The following TAF12 variants were observed in gnomAD, a reference collection of about 807,000 sequenced individuals.
TAF12 encodes the protein transcription initiation factor TFIID subunit 12.
Under a neutral mutation model 20.8 loss-of-function variants are expected in TAF12, and 3 were observed. The observed-to-expected ratio is 0.14, with a 90% CI of 0.07 to 0.37. The LOEUF (loss-of-function observed/expected upper bound fraction) is 0.37. Among genes scored for constraint, TAF12 ranks in the 10% least tolerant of loss-of-function variants. The probability of loss-of-function intolerance (pLI) is 1.00; values close to 1 mark genes in which losing one functional copy is unlikely to be tolerated. For synonymous variants in TAF12, 69 were observed against 70.2 expected, an observed-to-expected ratio of 0.98 and a Z score of 0.09; for missense variants, 131 against 197.9, an observed-to-expected ratio of 0.66 and a Z score of 2.03.
At chr1:28,642,630 C>T in intron 1 of TAF12, 1 of 985,082 alleles carries the variant, frequency 1.0e-6, no homozygotes, top group South Asian at 4.7e-5. Context: ...CTTAGGAGCC[C>T]AAGTCCTCAC....
chr1:28,619,060 C>CA (rs1271225651), intron 2 of TAF12, among the ~76,000 whole-genome samples: 1 of 149,964 alleles, frequency 6.7e-6, no homozygotes. Flanking sequence ...AAGAAACAAA[C>CA]AAAAAAAAGG....
At chr1:28,643,232 C>G (rs1315531969), upstream of TAF12, 23 of 454,956 alleles carry the variant, frequency 5.1e-5, no homozygotes, top group Non-Finnish European at 6.1e-5. Flanking sequence ...GCAGCTTGCG[C>G]TTTTAACTGC....
At chr1:28,616,114 G>A (rs1667032734) in intron 3 of TAF12, among the ~76,000 whole-genome samples, 1 of 152,148 alleles carries the variant, frequency 6.6e-6, no homozygotes, top group African/African-American at 2.4e-5. Flanking sequence ...TGAATAGCCA[G>A]GGTCGGGCAT....
chr1:28,605,975 G>A (rs1570291439), intron 4 of TAF12, among the ~76,000 whole-genome samples: 1 of 152,090 alleles, frequency 6.6e-6, no homozygotes, highest in African/African-American at 2.4e-5. Context: ...GGGATTACAG[G>A]TGTGTGCCAC....
At chr1:28,609,671 G>A (rs1666787702) in intron 4 of TAF12, among the ~76,000 whole-genome samples, 1 of 151,668 alleles carries the variant, frequency 6.6e-6, no homozygotes, top group Admixed American at 6.6e-5. Flanking sequence ...ATTTTTGGTA[G>A]AGATGGGGTT....
intron 1 of TAF12, among the ~76,000 whole-genome samples, chr1:28,625,536 A>C (rs1303165360): frequency 6.7e-6 from 1 of 149,026 alleles, no homozygotes; most frequent in Non-Finnish European, 1.5e-5. Context: ...GCACCCAGCT[A>C]ATTTTTTTTT....
upstream of TAF12, chr1:28,643,577 G>C (rs1220961341): frequency 6.6e-6 from 1 of 152,222 alleles, no homozygotes; most frequent in African/African-American, 2.4e-5. Context: ...ACTGTTTGCC[G>C]GGAATTGTGC....
At chr1:28,642,667 T>G in intron 1 of TAF12, 1 of 985,526 alleles carries the variant, frequency 1.0e-6, no homozygotes, top group Non-Finnish European at 1.2e-6. Flanking sequence ...CTCCGGAGCC[T>G]GTGTCTTCAC....
intron 1 of TAF12, among the ~76,000 whole-genome samples, chr1:28,627,244 C>T (rs1412837204): frequency 4.0e-5 from 6 of 151,626 alleles, no homozygotes; most frequent in Non-Finnish European, 5.9e-5. Flanking sequence ...AAAAATTAGC[C>T]GGGCGTGGTG....
chr1:28,610,259 C>T (rs988625001), intron 4 of TAF12, among the ~76,000 whole-genome samples: 2 of 152,036 alleles, frequency 1.3e-5, no homozygotes, highest in Non-Finnish European at 2.9e-5. Flanking sequence ...TGAGCCACTG[C>T]GCCTGGCCGA....
chr1:28,642,796 C>G (rs902287830), intron 1 of TAF12, 196 bp downstream of exon 1: 1 of 985,482 alleles, frequency 1.0e-6, no homozygotes, highest in Non-Finnish European at 1.2e-6. Flanking sequence ...CCCTAAGTCC[C>G]GTCTTAGAGC....
intron 4 of TAF12, among the ~76,000 whole-genome samples, chr1:28,612,246 A>G (rs1160642311): frequency 6.6e-6 from 1 of 151,902 alleles, no homozygotes; most frequent in Non-Finnish European, 1.5e-5. Flanking sequence ...GGCCAGGAGT[A>G]CAAGACCAGG....
intron 1 of TAF12, 48 bp from the exon 2 acceptor site, chr1:28,622,213 A>C: frequency 1.4e-6 from 2 of 1,429,368 alleles, no homozygotes; most frequent in African/African-American, 1.4e-5. Context: ...CCTGTAATAA[A>C]GGATGAATCT....
intron 2 of TAF12, among the ~76,000 whole-genome samples, chr1:28,619,599 T>C (rs903607234): frequency 1.4e-5 from 2 of 146,298 alleles, no homozygotes; most frequent in African/African-American, 5.0e-5. Context: ...CTCTTCCAAG[T>C]GTACTTTCCT....
intron 1 of TAF12, among the ~76,000 whole-genome samples, chr1:28,630,648 C>CA (rs1240884441): frequency 2.6e-5 from 4 of 152,014 alleles, no homozygotes; most frequent in African/African-American, 7.2e-5. Flanking sequence ...TCGGGTTAGT[C>CA]AGAGTTCTTA....
chr1:28,628,068 A>G (rs1570323488), intron 1 of TAF12, among the ~76,000 whole-genome samples: 3 of 152,214 alleles, frequency 2.0e-5, no homozygotes, highest in East Asian at 3.9e-4. Flanking sequence ...ACTAAGAACA[A>G]TAACTCAAAC....
chr1:28,615,678 C>CAAAAAAAAAAA (rs57536422), intron 3 of TAF12, among the ~76,000 whole-genome samples: 8 of 34,482 alleles, frequency 2.3e-4, no homozygotes, highest in African/African-American at 6.6e-4. Flanking sequence ...GACTCCGTCT[C>CAAAAAAAAAAA]AAAAAAAAAA....
chr1:28,630,519 T>C (rs1047978399), intron 1 of TAF12, among the ~76,000 whole-genome samples: 3 of 151,520 alleles, frequency 2.0e-5, no homozygotes, highest in African/African-American at 7.3e-5. Context: ...GCCACTGCAC[T>C]CCAGCCTAGG....
intron 4 of TAF12, among the ~76,000 whole-genome samples, chr1:28,611,893 C>A (rs1206904140): frequency 2.0e-5 from 3 of 152,166 alleles, no homozygotes; most frequent in Admixed American, 6.6e-5. Context: ...GCCCAGTCAA[C>A]CCCCAGATTC....
Sources: gnomAD v4.1 joint callset for allele counts (sites outside exome capture counted in the v4.1 genomes callset) on GRCh38, gnomAD v4.1.1 for gene constraint, MANE v1.5 for transcripts, NCBI Gene and HGNC (gene_info 2026-07-23, HGNC 2026-07-21) for gene names.